CCDC33: variants seen among roughly 807,000 people sequenced by gnomAD.
CCDC33 encodes coiled-coil domain-containing protein 33.
In CCDC33, 94 loss-of-function variants were observed where a neutral mutation model predicts 91.9. That is an observed-to-expected ratio of 1.02 (90% CI 0.87 to 1.21). The LOEUF (loss-of-function observed/expected upper bound fraction) is 1.21, where lower values mean the gene tolerates loss of function less well. Ranked by LOEUF, CCDC33 falls within the 50% of genes most tolerant of loss-of-function variation. CCDC33 has a pLI of 0.00. For synonymous variants in CCDC33, 396 were observed against 374.5 expected (o/e 1.06, Z -0.66); for missense variants, 940 against 935.5 (o/e 1.00, Z -0.06).
chr15:74,316,657 G>A lies in CCDC33; in HGVS notation c.1291-13532G>A, dbSNP rs1322857615. On this transcript the variant is annotated intron_variant, in intron 11 of 18. Transcript: ENST00000398814. The surrounding 1 kb of genome is among the most constrained non-coding windows in gnomAD (Gnocchi z 4.7). ...ACATCTCAGTGCCAGCCAGTGACTGGTGCCATCCAGGGAGGATGGCCGACT... is the reference window on the plus strand; with the variant it reads ...ACATCTCAGTGCCAGCCAGTGACTGATGCCATCCAGGGAGGATGGCCGACT... Among the ~76,000 whole-genome samples, 1 of 152,096 alleles carries A rather than the reference G, an allele frequency of 6.6e-6. No individual in the cohort carries two copies. Among genetic ancestry groups the A allele is most frequent in the African/African-American group, 2.4e-5 (1 of 41,428 alleles).
At chr15:74,331,342 C>T (rs770348671) in intron 15 of CCDC33, 46 bp downstream of exon 15, 15 of 1,582,124 alleles carry the variant, frequency 9.5e-6, no homozygotes, top group South Asian at 1.1e-5. Flanking sequence ...TTCTGCTCCA[C>T]CCCTGGAGGC....
chr15:74,215,423 C>T (rs1595874695), upstream of CCDC33, among the ~76,000 whole-genome samples: 2 of 152,120 alleles, frequency 1.3e-5, no homozygotes, highest in South Asian at 4.2e-4. Flanking sequence ...TTCAGTTTTG[C>T]AAGATGAAAA....
At chr15:74,227,014 A>G (rs1232568544) in intron 2 of CCDC33, among the ~76,000 whole-genome samples, 1 of 152,128 alleles carries the variant, frequency 6.6e-6, no homozygotes, top group African/African-American at 2.4e-5. Context: ...GCTCTGTACT[A>G]TCCCCTCTGT....
At chr15:74,215,343 G>A (rs767777396), upstream of CCDC33, among the ~76,000 whole-genome samples, 4 of 152,144 alleles carry the variant, frequency 2.6e-5, no homozygotes, top group Non-Finnish European at 4.4e-5. Flanking sequence ...TCACAGAGAC[G>A]GAAAGTAGAA....
upstream of CCDC33, chr15:74,212,735 C>T (rs537686368): frequency 1.3e-5 from 2 of 152,298 alleles, no homozygotes; most frequent in East Asian, 3.9e-4. Flanking sequence ...CAAAAGTGAC[C>T]TTCTAGCCTT....
chr15:74,254,460 C>A lies in CCDC33; in HGVS notation c.186-7980C>A, dbSNP rs573707000. The stretch of plus-strand genomic sequence containing the variant: ...GCCCCTCATTGTTCCTCTCCTGAAC[C>A]CTCAACCCAACTCGGACACCACCGG... On this transcript the variant is annotated intron_variant, in intron 2 of 18. Transcript: ENST00000398814. Among the ~76,000 whole-genome samples, 5 of 152,312 alleles carry A rather than the reference C, an allele frequency of 3.3e-5. No homozygotes were observed. The South Asian group carries it at 1.0e-3, about 32-fold the overall frequency.
At chr15:74,297,372 C>T (rs1441419555) in intron 11 of CCDC33, among the ~76,000 whole-genome samples, 2 of 152,210 alleles carry the variant, frequency 1.3e-5, no homozygotes, top group African/African-American at 2.4e-5. Flanking sequence ...CGTGGTTCCC[C>T]CTTCTTGTGC....
chr15:74,244,131 G>A lies in CCDC33; in HGVS notation c.168G>A (p.Pro56=), dbSNP rs137913437. The change falls in exon 2 of 19, where the codon CCG becomes CCA. Residue 56 remains proline (P), a synonymous_variant. Transcript: ENST00000398814. This position sits in a 1 kb window ranked among gnomAD's most constrained non-coding sequence, Gnocchi z 4.2. Reference sequence around the variant, plus strand: ...CTGCCTGCAAGGATGGCTCCGAGCCGTGGCCCTATGTGGTGGTGTAAGTAG... The same window carrying A: ...CTGCCTGCAAGGATGGCTCCGAGCCATGGCCCTATGTGGTGGTGTAAGTAG... ...NLPACKDGSE[P]WPYVVVKSTS... is the part of the protein sequence containing the mutation. The A allele has an allele frequency of 4.3e-3, 7,007 of 1,612,076 alleles. 66 individuals are homozygous for A. Among genetic ancestry groups the A allele is most frequent in the African/African-American group, 0.023 (1,758 of 74,968 alleles).
At chr15:74,213,877 C>A (rs939926829), upstream of CCDC33, among the ~76,000 whole-genome samples, 18 of 152,272 alleles carry the variant, frequency 1.2e-4, no homozygotes, top group African/African-American at 4.3e-4. Context: ...ATCACCTAAT[C>A]GCAGTGGCCC....
At chr15:74,314,153 C>G (rs191715739) in intron 11 of CCDC33, among the ~76,000 whole-genome samples, 8 of 152,364 alleles carry the variant, frequency 5.3e-5, no homozygotes, top group Non-Finnish European at 8.8e-5. Context: ...CTTGCCTGCA[C>G]CCCAGGGTGA....
At chr15:74,280,578 C>T (rs957317138) in intron 8 of CCDC33, 90 bp from the exon 9 acceptor site, 36 of 1,378,916 alleles carry the variant, frequency 2.6e-5, no homozygotes, top group Admixed American at 8.3e-5. Context: ...AAGCAGGCAG[C>T]GGGAGACAGG....
intron 10 of CCDC33, among the ~76,000 whole-genome samples, chr15:74,295,337 T>C (rs1351249624): frequency 1.3e-5 from 2 of 152,206 alleles, no homozygotes; most frequent in Non-Finnish European, 2.9e-5. Context: ...GTAGGTGCTA[T>C]GAACACAGTA....
intron 7 of CCDC33, among the ~76,000 whole-genome samples, chr15:74,275,624 T>TG (rs1195359362): frequency 4.6e-5 from 7 of 152,060 alleles, no homozygotes; most frequent in Non-Finnish European, 8.8e-5. Context: ...TAACGGCTCA[T>TG]GGGGGCACTT....
In CCDC33 at chr15:74,257,606, CCT is replaced by C. The variant is rs549405188; in HGVS notation, c.186-4830_186-4829del. Among the ~76,000 whole-genome samples the C allele has an allele frequency of 7.9e-5, 12 of 152,350 alleles. No individual in the cohort carries two copies. The South Asian group carries it at 2.3e-3, about 29-fold the overall frequency. On this transcript the variant is annotated intron_variant, in intron 2 of 18. Coordinates refer to ENST00000398814, the MANE Select transcript of CCDC33 (RefSeq NM_025055.5). ...GGACTCGGGGGAGAACCACAGCCTC[CCT>C]CTCCTGACTCCCCCAACCCATGCTC...
intron 2 of CCDC33, among the ~76,000 whole-genome samples, chr15:74,245,174 G>A (rs957596113): frequency 1.3e-5 from 2 of 152,124 alleles, no homozygotes; most frequent in African/African-American, 4.8e-5. Flanking sequence ...CCCTGAGGAC[G>A]GATCTCCTCC....
At chr15:74,328,754 T>A (rs1596133913) in intron 11 of CCDC33, among the ~76,000 whole-genome samples, 1 of 152,142 alleles carries the variant, frequency 6.6e-6, no homozygotes, top group Admixed American at 6.5e-5. Flanking sequence ...ATGCAGCAGG[T>A]GGGAGGCAGT....
intron 13 of CCDC33, 90 bp downstream of exon 13, chr15:74,330,841 G>A: frequency 2.0e-6 from 3 of 1,507,934 alleles, no homozygotes; most frequent in Middle Eastern, 3.5e-4. Context: ...GGGAGAACAG[G>A]CACAGAGGGA....
intron 11 of CCDC33, among the ~76,000 whole-genome samples, chr15:74,315,246 A>G (rs2060068713): frequency 6.6e-6 from 1 of 152,184 alleles, no homozygotes; most frequent in Non-Finnish European, 1.5e-5. Flanking sequence ...AAGCATGGCT[A>G]TCAACATCCT....
At chr15:74,262,663 C>T (rs982905678) in intron 3 of CCDC33, 90 bp downstream of exon 3, 1 of 1,414,152 alleles carries the variant, frequency 7.1e-7, no homozygotes. Context: ...CCTCTCACTG[C>T]AGCTGGTAGC....
Sources: allele counts gnomAD v4.1 joint callset (sites outside exome capture counted in the v4.1 genomes callset), GRCh38; gene constraint gnomAD v4.1.1; non-coding constraint Gnocchi (gnomAD v3.1); transcripts MANE v1.5; gene names NCBI Gene and HGNC (gene_info 2026-07-23, HGNC 2026-07-21).